TAF2: variants seen among roughly 807,000 people sequenced by gnomAD.
The protein encoded by TAF2 is TATA-box binding protein associated factor 2.
Under a neutral mutation model 138.5 loss-of-function variants are expected in TAF2, and 61 were observed. The ratio of observed to expected loss-of-function variants is 0.44; its 90% CI spans 0.36 to 0.54. TAF2 has a LOEUF of 0.54. TAF2 is among the 20% of genes least tolerant of loss of function. The pLI, the probability that TAF2 is intolerant of heterozygous loss-of-function variation, is 0.00. For missense variants in TAF2, 1,090 were observed against 1,427.9 expected (o/e 0.76, Z 3.81); for synonymous variants, 475 against 469.9 (o/e 1.01, Z -0.14).
At chr8:119,791,515 A>G in intron 10 of TAF2, 56 bp from the exon 11 acceptor site, 1 of 1,561,596 alleles carries the variant, frequency 6.4e-7, no homozygotes, top group South Asian at 1.2e-5. Context: ...TAAATAAAAA[A>G]TAAATTTCAT....
intron 23 of TAF2, among the ~76,000 whole-genome samples, chr8:119,745,811 G>A (rs1027724955): frequency 7.2e-6 from 1 of 139,312 alleles, no homozygotes; most frequent in African/African-American, 2.9e-5. Flanking sequence ...GTGTGTGTGT[G>A]TGTGTGTGTG....
At chr8:119,832,415 G>T in intron 1 of TAF2, 67 bp downstream of exon 1, 1 of 1,493,006 alleles carries the variant, frequency 6.7e-7, no homozygotes, top group Non-Finnish European at 9.3e-7. Context: ...TCAATTTCAA[G>T]CAATCGCAAA....
intron 3 of TAF2, among the ~76,000 whole-genome samples, chr8:119,818,811 T>C (rs750599171): frequency 1.3e-5 from 2 of 149,800 alleles, no homozygotes; most frequent in African/African-American, 4.9e-5. Context: ...AACATAAAAC[T>C]GATAACAGCA....
intron 4 of TAF2, among the ~76,000 whole-genome samples, 188 bp from the exon 5 acceptor site, chr8:119,804,207 T>C (rs1824458838): frequency 6.6e-6 from 1 of 152,228 alleles, no homozygotes; most frequent in Non-Finnish European, 1.5e-5. Context: ...GCTGCCCCTA[T>C]TGGTTTTCTA....
chr8:119,817,760 G>T (rs1275762887), intron 3 of TAF2, among the ~76,000 whole-genome samples: 1 of 152,164 alleles, frequency 6.6e-6, no homozygotes, highest in Non-Finnish European at 1.5e-5. Flanking sequence ...AGAGTTCTAG[G>T]CTGGATAGGG....
In TAF2 at chr8:119,803,938, T is replaced by G. The variant is rs1282145250; in HGVS notation, c.500A>C (p.Glu167Ala). The part of the protein sequence containing the change: ...GGLHFVVPSV[E>A]GSMAERGAHV... ...AGCACCTCTCTCTGCCATACTTCCC[T>G]CTACACTGGGTACCACAAAATGAAG... Residue 167 changes from glutamate (E) to alanine (A), a missense_variant, in exon 5 of 26, where the codon GAG becomes GCG. By Grantham distance (107) the Glu-to-Ala change is moderately radical. Around this residue, in one of 3 missense-constraint regions of TAF2, gnomAD observed 504 missense variants for 680.9 expected, o/e 0.74. Coordinates refer to ENST00000378164, the MANE Select transcript of TAF2 (RefSeq NM_003184.4). 2.5e-6 allele frequency: 4 copies of G among 1,614,088 alleles called. No individual in the cohort carries two copies. The South Asian group carries it at 4.4e-5, about 18-fold the overall frequency.
chr8:119,826,388 A>G (rs1773534432), intron 2 of TAF2, among the ~76,000 whole-genome samples: 1 of 152,054 alleles, frequency 6.6e-6, no homozygotes, highest in African/African-American at 2.4e-5. Context: ...CATGATTGTG[A>G]GGTTTCCCCA....
rs776535310 is a variant in TAF2 at position 119,783,511 on chromosome 8, GCAA to G, written c.1979_1981del (p.Val660del). 8 of 1,614,040 alleles carry G rather than the reference GCAA, an allele frequency of 5.0e-6. No homozygotes were observed. Among genetic ancestry groups the G allele is most frequent in the African/African-American group, 2.7e-5 (2 of 74,914 alleles). ...CAAAGCCAAAATGGATTCCTGCTGT[GCAA>G]CAACATCTCTCTCATAGCGGAGCTG... On this transcript the variant is annotated inframe_deletion, in exon 16 of 26. Coordinates refer to ENST00000378164, the MANE Select transcript of TAF2 (RefSeq NM_003184.4).
At chr8:119,770,900 GTC>G (rs1421897365) in intron 18 of TAF2, among the ~76,000 whole-genome samples, 2 of 152,076 alleles carry the variant, frequency 1.3e-5, no homozygotes, top group Non-Finnish European at 2.9e-5. Context: ...GTGAAAACCT[GTC>G]TCTACTAAAA....
chr8:119,804,129 T>C (rs1824453349), intron 4 of TAF2, 110 bp from the exon 5 acceptor site: 8 of 1,312,332 alleles, frequency 6.1e-6, no homozygotes, highest in South Asian at 1.2e-5. Flanking sequence ...CTGAGATTTA[T>C]ATGAAAAACC....
At chr8:119,827,942 A>G (rs1179844745) in intron 2 of TAF2, among the ~76,000 whole-genome samples, 2 of 152,092 alleles carry the variant, frequency 1.3e-5, no homozygotes, top group Non-Finnish European at 2.9e-5. Context: ...ATAGGGTTTC[A>G]CTGTGTTGGC....
chr8:119,737,684 T>C (rs1819320230), intron 25 of TAF2, among the ~76,000 whole-genome samples: 1 of 151,898 alleles, frequency 6.6e-6, no homozygotes, highest in Non-Finnish European at 1.5e-5. Flanking sequence ...AATTTTTGTA[T>C]TTTTAGTAGA....
chr8:119,755,426 G>T (rs984184479), intron 22 of TAF2, among the ~76,000 whole-genome samples: 7 of 152,118 alleles, frequency 4.6e-5, no homozygotes, highest in African/African-American at 1.7e-4. Context: ...GAACCTAGGA[G>T]GTGGAGGTTG....
At chr8:119,742,716 A>C (rs1019882071) in intron 24 of TAF2, 60 bp from the exon 25 acceptor site, 2 of 1,592,486 alleles carry the variant, frequency 1.3e-6, no homozygotes, top group African/African-American at 2.7e-5. Context: ...AAAAGAAAAA[A>C]AAAGGCTGAC....
At chr8:119,800,725 C>T (rs891050018) in intron 6 of TAF2, among the ~76,000 whole-genome samples, 1 of 152,148 alleles carries the variant, frequency 6.6e-6, no homozygotes, top group African/African-American at 2.4e-5. Context: ...TTTTACAAAT[C>T]CTGTGAATTT....
At chr8:119,796,134 T>A (rs914805644) in intron 8 of TAF2, among the ~76,000 whole-genome samples, 6 of 152,020 alleles carry the variant, frequency 3.9e-5, no homozygotes, top group Non-Finnish European at 7.4e-5. Flanking sequence ...ACTCATTTAT[T>A]CATTTGTATA....
At chr8:119,734,095 C>A (rs1364295733) in intron 25 of TAF2, among the ~76,000 whole-genome samples, 1 of 152,058 alleles carries the variant, frequency 6.6e-6, no homozygotes, top group Non-Finnish European at 1.5e-5. Flanking sequence ...CACCCCTATA[C>A]CCCCAACAAC....
At position 119,773,790 on chromosome 8, in the gene TAF2, G is replaced by C. The variant is rs114438526; in HGVS notation, c.2364+4229C>G. On this transcript the variant is annotated intron_variant, in intron 18 of 25. Coordinates refer to ENST00000378164, the MANE Select transcript of TAF2 (RefSeq NM_003184.4). Reference sequence around the variant, plus strand: ...AACCTTTCCCAGGAAGCCTTTTCTGGCTTCCCCATCCTTAATTTGGGTTAA... The same window carrying C: ...AACCTTTCCCAGGAAGCCTTTTCTGCCTTCCCCATCCTTAATTTGGGTTAA... Among the ~76,000 whole-genome samples, 1,398 of 151,504 alleles carry C rather than the reference G, an allele frequency of 9.2e-3. 24 individuals are homozygous for C. Among genetic ancestry groups the C allele is most frequent in the African/African-American group, 0.032 (1,333 of 41,478 alleles).
At chr8:119,829,221 A>T (rs1210843190) in intron 2 of TAF2, among the ~76,000 whole-genome samples, 1 of 152,214 alleles carries the variant, frequency 6.6e-6, no homozygotes, top group Non-Finnish European at 1.5e-5. Context: ...TTGGTCCAAC[A>T]GTTTCCACAA....
Sources: gnomAD v4.1 joint callset for allele counts (sites outside exome capture counted in the v4.1 genomes callset) on GRCh38, gnomAD v4.1.1 for gene constraint, gnomAD v4.1.1 regional missense constraint, MANE v1.5 for transcripts, NCBI Gene and HGNC (gene_info 2026-07-23, HGNC 2026-07-21) for gene names.